Variants in ARAP2 observed in about 807,000 individuals in gnomAD.
ARAP2 encodes the protein ArfGAP with RhoGAP domain, ankyrin repeat and PH domain 2.
Under a neutral mutation model 194.5 loss-of-function variants are expected in ARAP2, and 148 were observed. The ratio of observed to expected loss-of-function variants is 0.76; its 90% CI spans 0.67 to 0.87. The LOEUF is 0.87. Among genes scored for constraint, ARAP2 ranks in the 40% least tolerant of loss-of-function variants. The pLI, the probability that ARAP2 is intolerant of heterozygous loss-of-function variation, is 0.00. For missense variants in ARAP2, 2,128 were observed against 1,989.7 expected (o/e 1.07, Z -1.32); for synonymous variants, 695 against 683.5 (o/e 1.02, Z -0.26).
chr4:36,058,679 A>C (rs1324280150), intron 1 of ARAP2, among the ~76,000 whole-genome samples: 1 of 152,092 alleles, frequency 6.6e-6, no homozygotes, highest in Non-Finnish European at 1.5e-5. Context: ...TGATTCATTC[A>C]TTCAATATAT....
chr4:36,032,472 A>G (rs1403369356), intron 5 of ARAP2, among the ~76,000 whole-genome samples: 3 of 152,218 alleles, frequency 2.0e-5, no homozygotes, highest in Admixed American at 1.3e-4. Context: ...CAGAAACTAA[A>G]TGCTATAGGT....
intron 6 of ARAP2, 140 bp downstream of exon 6, chr4:36,210,250 A>T: frequency 1.4e-6 from 1 of 704,162 alleles, no homozygotes; most frequent in South Asian, 2.1e-5. Flanking sequence ...AAGTGTGCTG[A>T]AAGTCCCTAA....
At chr4:36,096,362 C>CAAAAAAAA (rs10632831) in intron 27 of ARAP2, among the ~76,000 whole-genome samples, 6 of 80,928 alleles carry the variant, frequency 7.4e-5, no homozygotes, top group Non-Finnish European at 6.5e-5. Flanking sequence ...GAGACTCTCT[C>CAAAAAAAA]AAAAAAAAAA....
intron 26 of ARAP2, among the ~76,000 whole-genome samples, chr4:36,109,264 A>C (rs1719219693): frequency 6.6e-6 from 1 of 151,898 alleles, no homozygotes; most frequent in South Asian, 2.1e-4. Flanking sequence ...GAGCAAGCTA[A>C]CTCATTATAA....
intron 2 of ARAP2, among the ~76,000 whole-genome samples, chr4:36,227,913 C>T (rs1427190222): frequency 4.6e-5 from 7 of 152,106 alleles, no homozygotes; most frequent in African/African-American, 1.7e-4. Context: ...GGTAATCCTC[C>T]TGTGACCTCA....
At chr4:36,149,876 T>G (rs1014164704) in intron 16 of ARAP2, among the ~76,000 whole-genome samples, 1 of 152,186 alleles carries the variant, frequency 6.6e-6, no homozygotes, top group Admixed American at 6.5e-5. Context: ...ATAACAGCTT[T>G]GCAAATCTCT....
intron 27 of ARAP2, among the ~76,000 whole-genome samples, chr4:36,095,580 A>G (rs1714934170): frequency 6.6e-6 from 1 of 152,162 alleles, no homozygotes; most frequent in Non-Finnish European, 1.5e-5. Flanking sequence ...TGTGTGCATA[A>G]AAAAGGGTAG....
chr4:36,176,145 G>C (rs1410326495), intron 9 of ARAP2, among the ~76,000 whole-genome samples: 2 of 152,150 alleles, frequency 1.3e-5, no homozygotes, highest in African/African-American at 2.4e-5. Context: ...GCTAGAATTA[G>C]AGTTATACTG....
chr4:36,171,608 C>T (rs181772884), intron 9 of ARAP2, among the ~76,000 whole-genome samples: 70 of 151,954 alleles, frequency 4.6e-4, no homozygotes, highest in African/African-American at 1.5e-3. Context: ...CAGCATGGCA[C>T]ATGTATACAT....
intron 6 of ARAP2, among the ~76,000 whole-genome samples, chr4:36,206,565 C>T (rs1016869378): frequency 6.6e-6 from 1 of 152,226 alleles, no homozygotes; most frequent in Non-Finnish European, 1.5e-5. Context: ...TCAACTGCTA[C>T]CCTCTCCTTC....
intron 2 of ARAP2, among the ~76,000 whole-genome samples, chr4:36,057,582 T>A (rs912763115): frequency 6.6e-6 from 1 of 152,148 alleles, no homozygotes; most frequent in Non-Finnish European, 1.5e-5. Context: ...TGATTTTTTT[T>A]ACTAACCTGT....
chr4:36,072,039 A>G (rs1421619798), intron 32 of ARAP2, among the ~76,000 whole-genome samples: 1 of 152,046 alleles, frequency 6.6e-6, no homozygotes, highest in Non-Finnish European at 1.5e-5. Context: ...TATTTTGTAA[A>G]TATATTTTTT....
At chr4:36,052,123 G>A (rs1722770354) in intron 2 of ARAP2, 1 of 152,098 alleles carries the variant, frequency 6.6e-6, no homozygotes, top group South Asian at 2.1e-4. Context: ...GAACATCCAA[G>A]TAGAGTCATT....
At chr4:36,057,165 A>G (rs1003905202) in intron 2 of ARAP2, among the ~76,000 whole-genome samples, 4 of 150,612 alleles carry the variant, frequency 2.7e-5, no homozygotes, top group Non-Finnish European at 4.4e-5. Flanking sequence ...TAGTTGGCAT[A>G]TATTTTCATA....
chr4:36,015,133 C>T (rs1313857402), intron 8 of ARAP2, among the ~76,000 whole-genome samples: 1 of 152,086 alleles, frequency 6.6e-6, no homozygotes, highest in Non-Finnish European at 1.5e-5. Flanking sequence ...GAAGTTATTC[C>T]CTCTTATTTA....
At position 36,138,084 on chromosome 4, in the gene ARAP2, G is replaced by T. The variant is rs559260006; in HGVS notation, c.3264-4695C>A. Among the ~76,000 whole-genome samples the T allele has an allele frequency of 2.3e-4, 35 of 151,814 alleles. 1 individual carries two copies. The South Asian group carries it at 6.8e-3, about 30-fold the overall frequency. On this transcript the variant is annotated intron_variant, in intron 19 of 32. Coordinates refer to ENST00000303965, the MANE Select transcript of ARAP2 (RefSeq NM_015230.4). Reference sequence around the variant, plus strand: ...CATAGGACTTTGGAAGATAGCTTTAGAAGGGTATGCTGTGCATTTTTCTTT... The same window carrying T: ...CATAGGACTTTGGAAGATAGCTTTATAAGGGTATGCTGTGCATTTTTCTTT...
intron 1 of ARAP2, among the ~76,000 whole-genome samples, chr4:36,230,834 G>A (rs1187900109): frequency 6.6e-6 from 1 of 152,132 alleles, no homozygotes; most frequent in Non-Finnish European, 1.5e-5. Context: ...CACGCCAACT[G>A]CCCATAAGCT....
chr4:36,226,374 G>C (rs1198191004), intron 2 of ARAP2, among the ~76,000 whole-genome samples: 1 of 152,076 alleles, frequency 6.6e-6, no homozygotes, highest in Admixed American at 6.5e-5. Context: ...TGTAAAAAGA[G>C]GACTCTGATC....
intron 5 of ARAP2, among the ~76,000 whole-genome samples, chr4:36,035,519 GAT>G (rs1215812429): frequency 3.3e-5 from 5 of 152,120 alleles, no homozygotes; most frequent in Admixed American, 2.6e-4. Context: ...GTATTTTTTG[GAT>G]ATATGCCTAG....
Sources: allele counts gnomAD v4.1 joint callset (sites outside exome capture counted in the v4.1 genomes callset), GRCh38; gene constraint gnomAD v4.1.1; transcripts MANE v1.5; gene names NCBI Gene and HGNC (gene_info 2026-07-23, HGNC 2026-07-21).